Variants in ZNF708 observed in about 807,000 individuals in gnomAD.
The protein encoded by ZNF708 is ZNF15, ZNF15L1.
A neutral mutation model predicts 47.0 loss-of-function variants in ZNF708; 44 were observed. The ratio of observed to expected loss-of-function variants is 0.94; its 90% confidence interval spans 0.74 to 1.20. The LOEUF (loss-of-function observed/expected upper bound fraction) is 1.20, where lower values mean the gene tolerates loss of function less well. Ranked by LOEUF, ZNF708 falls within the 50% of genes most tolerant of loss-of-function variation. The probability of loss-of-function intolerance (pLI) is 0.00; values close to 1 mark genes in which losing one functional copy is unlikely to be tolerated. For synonymous variants in ZNF708, 184 were observed against 218.5 expected, an observed-to-expected ratio of 0.84 and a Z score of 1.39; for missense variants, 557 against 656.0, an observed-to-expected ratio of 0.85 and a Z score of 1.65.
chr19:21,295,940 G>C (rs539131603), intron 3 of ZNF708, among the ~76,000 whole-genome samples: 4 of 151,930 alleles, frequency 2.6e-5, no homozygotes, highest in African/African-American at 7.2e-5. Flanking sequence ...GAATGAAACA[G>C]GAACACAGAC....
chr19:21,309,922 A>G (rs989912207), intron 2 of ZNF708, among the ~76,000 whole-genome samples: 16 of 152,342 alleles, frequency 1.1e-4, no homozygotes, highest in Non-Finnish European at 2.1e-4. Context: ...GGGCAACAGT[A>G]TTTTATGCCA....
intron 1 of ZNF708, among the ~76,000 whole-genome samples, chr19:21,323,340 A>T (rs1973191368): frequency 6.6e-6 from 1 of 152,218 alleles, no homozygotes; most frequent in Non-Finnish European, 1.5e-5. Flanking sequence ...AGGAAACTTT[A>T]CTTAAGTTTG....
rs1568343333 is a variant in ZNF708, at chr19:21,294,030, TTC to T, written c.934_935del (p.Glu312MetfsTer15). The T allele has an allele frequency of 6.2e-7, 1 of 1,613,236 alleles. No homozygotes were observed. Among genetic ancestry groups the T allele is most frequent in the East Asian group, 2.2e-5 (1 of 44,836 alleles). ...HTGEKPYKCG[E>X]CGKAFTLSSH... ...AAGATAGGGTAAAGGCTTTGCCACA[TTC>T]TCCACATTTGTAGGGTTTCTCTCCA... On this transcript the variant is annotated frameshift_variant, in exon 4 of 4. Transcript: ENST00000356929. LOFTEE classifies it high-confidence loss of function.
At position 21,320,703 on chromosome 19, in the gene ZNF708, TA is replaced by T. The variant is rs559927432; in HGVS notation, c.3+8506del. On this transcript the variant is annotated intron_variant, in intron 1 of 3. Transcript: ENST00000356929. Reference sequence around the variant, plus strand: ...ATGAGACCCTGTCTCCAAAGAAAAATAAAATAAAAGATCTAATAAAAACAAA... The same window carrying T: ...ATGAGACCCTGTCTCCAAAGAAAAATAAATAAAAGATCTAATAAAAACAAA... Among the ~76,000 whole-genome samples, 15 of 70,428 alleles carry T rather than the reference TA, an allele frequency of 2.1e-4. No individual in the cohort carries two copies. The East Asian group carries it at 3.6e-3, about 17-fold the overall frequency. The allele number at this position is 70,428 out of a possible 152,430, so 46.2% of individuals were successfully genotyped here.
intron 1 of ZNF708, among the ~76,000 whole-genome samples, chr19:21,320,933 A>C (rs1024701070): frequency 5.3e-5 from 8 of 151,828 alleles, no homozygotes; most frequent in Non-Finnish European, 1.2e-4. Context: ...CGAGGTCAGG[A>C]GATCGAGACC....
At position 21,316,346 on chromosome 19, in the gene ZNF708, G is replaced by A. The variant is rs548138001; in HGVS notation, c.4-5719C>T. The stretch of plus-strand genomic sequence containing the variant: ...TCTCCATGCTAGTAAGGCTGGTCTC[G>A]AACTCCCGACCTCAGGTGATCCACC... On this transcript the variant is annotated intron_variant, in intron 1 of 3. Transcript: ENST00000356929. 1.5e-4 allele frequency among the ~76,000 whole-genome samples: 22 copies of A among 151,686 alleles called. No homozygotes were observed. In the East Asian group the frequency reaches 4.0e-3, roughly 28 times the overall value.
chr19:21,325,820 G>A (rs964061111), intron 1 of ZNF708, among the ~76,000 whole-genome samples: 2 of 152,114 alleles, frequency 1.3e-5, no homozygotes, highest in East Asian at 3.9e-4. Context: ...CTATACGTCT[G>A]ACAAAGGACT....
intron 3 of ZNF708, among the ~76,000 whole-genome samples, chr19:21,294,993 T>C (rs191992214): frequency 6.6e-6 from 1 of 152,250 alleles, no homozygotes; most frequent in Admixed American, 6.5e-5. Context: ...AAAAGAAAAG[T>C]CTGTTACATT....
At chr19:21,298,949 C>T (rs1439794467) in intron 3 of ZNF708, among the ~76,000 whole-genome samples, 2 of 152,174 alleles carry the variant, frequency 1.3e-5, no homozygotes, top group South Asian at 4.1e-4. Context: ...TGAAACGAGC[C>T]AGTCACAAAA....
rs758208156 is a variant in ZNF708 at position 21,293,666 on chromosome 19, T to C, written c.1300A>G (p.Ile434Val). Residue 434 changes from isoleucine to valine, a missense_variant, in exon 4 of 4, where the codon ATC becomes GTC. Ile to Val is a conservative substitution (Grantham distance 29). Coordinates refer to ENST00000356929, the MANE Select transcript of ZNF708 (RefSeq NM_021269.3). ...ECGKAFSIFS[I>V]LTKHKVIHTE... ...TGAATTACTTTATGTTTAGTAAGGA[T>C]TGAGAATATACTAAAGGCTTTACCA... The C allele has an allele frequency of 6.2e-7, 1 of 1,612,590 alleles. No homozygotes were observed. Among genetic ancestry groups the C allele is most frequent in the Admixed American group, 1.7e-5 (1 of 59,940 alleles).
intron 3 of ZNF708, 26 bp from the exon 4 acceptor site, chr19:21,294,765 A>T (rs1428610923): frequency 2.0e-6 from 3 of 1,536,406 alleles, no homozygotes; most frequent in Non-Finnish European, 2.6e-6. Context: ...ATAACAAATT[A>T]TTCCATTTAC....
intron 1 of ZNF708, among the ~76,000 whole-genome samples, chr19:21,316,487 T>C (rs935497269): frequency 2.6e-5 from 4 of 152,138 alleles, no homozygotes; most frequent in African/African-American, 7.2e-5. Flanking sequence ...CAGATTCAGA[T>C]TCTGGATGGG....
At chr19:21,301,123 T>C (rs920631599) in intron 3 of ZNF708, among the ~76,000 whole-genome samples, 1 of 152,144 alleles carries the variant, frequency 6.6e-6, no homozygotes, top group African/African-American at 2.4e-5. Context: ...AATATATTCA[T>C]GAAAGAAATC....
chr19:21,306,196 GCAA>G (rs769838850), intron 3 of ZNF708, among the ~76,000 whole-genome samples: 15 of 151,864 alleles, frequency 9.9e-5, no homozygotes, highest in African/African-American at 2.2e-4. Flanking sequence ...AAATGCATGA[GCAA>G]CAACAACAAC....
rs911124391 is a variant in ZNF708 at position 21,309,326 on chromosome 19, T to C, written c.146A>G (p.Asn49Ser). 3.1e-6 allele frequency: 5 copies of C among 1,596,824 alleles called. No homozygotes were observed. In the South Asian group the frequency reaches 4.4e-5, roughly 14 times the overall value. The change falls in exon 3 of 4, where the codon AAT becomes AGT. Residue 49 changes from asparagine to serine, a missense_variant. Physicochemically the swap from Asn to Ser is conservative, Grantham distance 46 (BLOSUM62 1). Coordinates refer to ENST00000356929, the MANE Select transcript of ZNF708 (RefSeq NM_021269.3). The part of the protein sequence containing the change: ...NLVFLGIAVS[N>S]LDLITCLEQG... Reference sequence around the variant, plus strand: ...CTCCAGACAGGTGATCAGGTCTAAATTAGACACAGCAATACCTGTTTTATT... The same window carrying C: ...CTCCAGACAGGTGATCAGGTCTAAACTAGACACAGCAATACCTGTTTTATT...
intron 1 of ZNF708, among the ~76,000 whole-genome samples, chr19:21,322,258 A>G (rs1465690167): frequency 6.6e-6 from 1 of 151,590 alleles, no homozygotes; most frequent in Non-Finnish European, 1.5e-5. Context: ...CTGTGGGAAA[A>G]GGGGGTCTGT....
chr19:21,317,670 A>G (rs1162642136), intron 1 of ZNF708, among the ~76,000 whole-genome samples: 1 of 152,252 alleles, frequency 6.6e-6, no homozygotes, highest in South Asian at 2.1e-4. Context: ...CATCACAATC[A>G]ATCTGCTTAA....
chr19:21,315,465 T>A (rs1335108253), intron 1 of ZNF708, among the ~76,000 whole-genome samples: 2 of 152,040 alleles, frequency 1.3e-5, no homozygotes, highest in Non-Finnish European at 2.9e-5. Context: ...AAAGGAGAGA[T>A]CCCCTCAGAG....
chr19:21,307,012 AAACAT>A (rs1352238848), intron 3 of ZNF708: 33 of 144,056 alleles, frequency 2.3e-4, no homozygotes, highest in Admixed American at 9.1e-4. Flanking sequence ...ACATAACATA[AAACAT>A]AACATAACAT....
Sources: gnomAD v4.1 joint callset for allele counts (sites outside exome capture counted in the v4.1 genomes callset) on GRCh38, gnomAD v4.1.1 for gene constraint, MANE v1.5 for transcripts, NCBI Gene and HGNC (gene_info 2026-07-23, HGNC 2026-07-21) for gene names.